The following SYNDIG1L variants were observed in gnomAD, a reference collection of about 807,000 sequenced individuals.
SYNDIG1L encodes synapse differentiation-inducing gene protein 1-like.
SYNDIG1L carries 13 observed loss-of-function variants against 20.1 expected under a neutral mutation model. The observed-to-expected ratio is 0.65, with a 90% CI of 0.42 to 1.03. The LOEUF is 1.03. Among genes scored for constraint, SYNDIG1L ranks in the 50% least tolerant of loss-of-function variants. The pLI is 0.00. For missense variants in SYNDIG1L, 294 were observed against 305.1 expected (o/e 0.96, Z 0.27); for synonymous variants, 128 against 129.3 (o/e 0.99, Z 0.07).
At chr14:74,446,676 G>C in the SYNDIG1L span, among the ~76,000 whole-genome samples, 1 of 151,294 alleles carries the variant, frequency 6.6e-6, no homozygotes, top group Non-Finnish European at 1.5e-5. Flanking sequence ...GAGTGTAGTG[G>C]CATGATTTCG....
At chr14:74,409,873 A>T in intron 1 of SYNDIG1L, 72 bp from the exon 2 acceptor site, 4 of 1,192,606 alleles carry the variant, frequency 3.4e-6, no homozygotes, top group Non-Finnish European at 4.3e-6. Flanking sequence ...GGTGAAGAGC[A>T]TGGGTCCTGC....
intron 1 of SYNDIG1L, among the ~76,000 whole-genome samples, chr14:74,419,866 T>A (rs754615627): frequency 4.4e-4 from 66 of 151,538 alleles, no homozygotes; most frequent in Non-Finnish European, 8.2e-4. Context: ...AAGCATGGGG[T>A]AGTGATATAG....
chr14:74,454,893 CTCAA>C, the SYNDIG1L span, among the ~76,000 whole-genome samples: 1 of 152,228 alleles, frequency 6.6e-6, no homozygotes, highest in Non-Finnish European at 1.5e-5. Flanking sequence ...GTTATAGTTA[CTCAA>C]TCAAACACTA....
the SYNDIG1L span, among the ~76,000 whole-genome samples, chr14:74,437,832 C>A: frequency 6.6e-6 from 1 of 152,146 alleles, no homozygotes; most frequent in African/African-American, 2.4e-5. Context: ...TGTTTGGCAG[C>A]CGCTCAGGGG....
chr14:74,418,241 G>A (rs1012882408), intron 1 of SYNDIG1L, among the ~76,000 whole-genome samples: 2 of 152,232 alleles, frequency 1.3e-5, no homozygotes, highest in Non-Finnish European at 2.9e-5. Flanking sequence ...AGCCAGCTTG[G>A]AGTCATTAGC....
chr14:74,472,619 T>C, the SYNDIG1L span, among the ~76,000 whole-genome samples: 4 of 152,274 alleles, frequency 2.6e-5, no homozygotes, highest in East Asian at 5.8e-4. Flanking sequence ...AATTGTGTCA[T>C]GAAGGGAGAG....
chr14:74,440,083 T>G, the SYNDIG1L span, among the ~76,000 whole-genome samples: 2 of 151,706 alleles, frequency 1.3e-5, no homozygotes, highest in Non-Finnish European at 2.9e-5. Context: ...TTTTTGGCCT[T>G]AATAATGCAT....
At chr14:74,453,674 C>A in the SYNDIG1L span, among the ~76,000 whole-genome samples, 1 of 152,028 alleles carries the variant, frequency 6.6e-6, no homozygotes, top group African/African-American at 2.4e-5. Context: ...AAATACAGGC[C>A]AGGCACAGTG....
the SYNDIG1L span, among the ~76,000 whole-genome samples, chr14:74,459,994 C>T: frequency 1.3e-5 from 2 of 152,154 alleles, no homozygotes; most frequent in African/African-American, 2.4e-5. Context: ...CATGGCTCTC[C>T]GTCCATTCAA....
At chr14:74,426,260 G>T (rs553559406), upstream of SYNDIG1L, among the ~76,000 whole-genome samples, 3 of 151,920 alleles carry the variant, frequency 2.0e-5, no homozygotes, top group Non-Finnish European at 4.4e-5. Context: ...CGCCGCCGCC[G>T]CCTCCCTCTC....
the SYNDIG1L span, among the ~76,000 whole-genome samples, chr14:74,437,779 C>G: frequency 1.3e-5 from 2 of 152,196 alleles, no homozygotes; most frequent in South Asian, 4.1e-4. Flanking sequence ...TTGTGTCAAT[C>G]TCTCTTTAGT....
At chr14:74,446,600 C>G in the SYNDIG1L span, among the ~76,000 whole-genome samples, 1 of 149,310 alleles carries the variant, frequency 6.7e-6, no homozygotes, top group African/African-American at 2.5e-5. Context: ...AAAACAAAAC[C>G]CAGTTATGTG....
the SYNDIG1L span, among the ~76,000 whole-genome samples, chr14:74,433,820 GC>G: frequency 6.6e-6 from 1 of 152,144 alleles, no homozygotes; most frequent in Non-Finnish European, 1.5e-5. Context: ...AACCCAGGCA[GC>G]CTGGCTTCAA....
At chr14:74,472,211 CCT>C in the SYNDIG1L span, 1 of 152,086 alleles carries the variant, frequency 6.6e-6, no homozygotes, top group African/African-American at 2.4e-5. Flanking sequence ...TGGAATTCTC[CCT>C]CTCTCCCTCT....
intron 1 of SYNDIG1L, among the ~76,000 whole-genome samples, chr14:74,418,271 G>A (rs1385944471): frequency 6.6e-6 from 1 of 152,216 alleles, no homozygotes; most frequent in Admixed American, 6.5e-5. Flanking sequence ...CTGCATTTGA[G>A]AATAAAGGGA....
At chr14:74,421,872 C>G (rs1328601471) in intron 1 of SYNDIG1L, among the ~76,000 whole-genome samples, 1 of 152,206 alleles carries the variant, frequency 6.6e-6, no homozygotes. Context: ...TAGTCACTGT[C>G]TTCCAGGGAG....
the SYNDIG1L span, among the ~76,000 whole-genome samples, chr14:74,457,587 C>T: frequency 5.3e-4 from 81 of 151,724 alleles, 1 homozygote; most frequent in Middle Eastern, 0.01. Flanking sequence ...TGTTTATATT[C>T]TTCCTCTCCC....
At chr14:74,426,546 T>G (rs1361747897), upstream of SYNDIG1L, among the ~76,000 whole-genome samples, 1 of 152,166 alleles carries the variant, frequency 6.6e-6, no homozygotes, top group East Asian at 1.9e-4. Context: ...AGCCCTGAGT[T>G]TTTAACATTG....
chr14:74,438,185 A>G, the SYNDIG1L span, among the ~76,000 whole-genome samples: 2 of 152,250 alleles, frequency 1.3e-5, no homozygotes, highest in Non-Finnish European at 1.5e-5. Flanking sequence ...ATGTATGACT[A>G]GTCATCCTAA....
Sources: gnomAD v4.1 joint callset for allele counts (sites outside exome capture counted in the v4.1 genomes callset) on GRCh38, gnomAD v4.1.1 for gene constraint, MANE v1.5 for transcripts, NCBI Gene and HGNC (gene_info 2026-07-23, HGNC 2026-07-21) for gene names.